Variants in KCTD8 observed in about 807,000 individuals in gnomAD.
The protein encoded by KCTD8 is BTB/POZ domain-containing protein KCTD8.
Under a neutral mutation model 31.5 loss-of-function variants are expected in KCTD8, and 27 were observed. The ratio of observed to expected loss-of-function variants is 0.86; its 90% CI spans 0.63 to 1.18. KCTD8 has a LOEUF of 1.18. Ranked by LOEUF, KCTD8 falls within the 50% of genes most tolerant of loss-of-function variation. The pLI is 0.00. For synonymous variants in KCTD8, 290 were observed against 280.0 expected (o/e 1.04, Z -0.36); for missense variants, 658 against 647.7 (o/e 1.02, Z -0.17).
chr4:44,389,542 T>A (rs980595874), intron 1 of KCTD8, among the ~76,000 whole-genome samples: 2 of 151,764 alleles, frequency 1.3e-5, no homozygotes, highest in Non-Finnish European at 2.9e-5. Context: ...AGTAGTTAAA[T>A]TCATAGAGAC....
intron 1 of KCTD8, among the ~76,000 whole-genome samples, chr4:44,371,115 T>C (rs534662603): frequency 3.3e-4 from 50 of 152,084 alleles, no homozygotes; most frequent in Non-Finnish European, 6.3e-4. Flanking sequence ...GTGCTAATGC[T>C]GGAGGACAGG....
At chr4:44,258,117 CA>C (rs1172957382) in intron 1 of KCTD8, among the ~76,000 whole-genome samples, 4 of 151,904 alleles carry the variant, frequency 2.6e-5, no homozygotes, top group African/African-American at 9.7e-5. Flanking sequence ...ATTAGGAAAT[CA>C]GATGCTAATA....
intron 1 of KCTD8, among the ~76,000 whole-genome samples, chr4:44,270,440 T>C (rs1424095192): frequency 6.6e-6 from 1 of 151,256 alleles, no homozygotes; most frequent in Non-Finnish European, 1.5e-5. Flanking sequence ...TACCTAATGC[T>C]AAATGATGAG....
chr4:44,387,368 A>G (rs187741514), intron 1 of KCTD8, among the ~76,000 whole-genome samples: 16 of 151,594 alleles, frequency 1.1e-4, no homozygotes, highest in African/African-American at 3.6e-4. Context: ...CTAGAAAAAA[A>G]ATGTTAAAAT....
intron 1 of KCTD8, among the ~76,000 whole-genome samples, chr4:44,323,386 T>C (rs1718350047): frequency 6.6e-6 from 1 of 151,376 alleles, no homozygotes; most frequent in Non-Finnish European, 1.5e-5. Flanking sequence ...CCCAGCTACT[T>C]GGGAGGCTGA....
At chr4:44,336,838 T>A (rs946034163) in intron 1 of KCTD8, among the ~76,000 whole-genome samples, 1 of 152,040 alleles carries the variant, frequency 6.6e-6, no homozygotes, top group African/African-American at 2.4e-5. Flanking sequence ...GCTTTGTTTT[T>A]AAAAAAGAAT....
At position 44,221,887 on chromosome 4, in the gene KCTD8, C is replaced by T. The variant is rs1016515550; in HGVS notation, c.962-46637G>A. 3.3e-5 allele frequency among the ~76,000 whole-genome samples: 5 copies of T among 152,048 alleles called. No individual in the cohort carries two copies. In the South Asian group the frequency reaches 6.2e-4, roughly 19 times the overall value. ...CGGCGACACCCTCACAGACACACCCCGGAACAAATACTTTGCATCATTCAA... is the reference window on the plus strand; with the variant it reads ...CGGCGACACCCTCACAGACACACCCTGGAACAAATACTTTGCATCATTCAA... On this transcript the variant is annotated intron_variant, in intron 1 of 1. Transcript: ENST00000360029.
At chr4:44,212,004 T>C (rs1299748458) in intron 1 of KCTD8, among the ~76,000 whole-genome samples, 1 of 152,198 alleles carries the variant, frequency 6.6e-6, no homozygotes, top group Non-Finnish European at 1.5e-5. Flanking sequence ...TATCATTCCA[T>C]TTAAGTGATG....
chr4:44,242,599 C>CA (rs1016593869), intron 1 of KCTD8, among the ~76,000 whole-genome samples: 1 of 151,190 alleles, frequency 6.6e-6, no homozygotes, highest in Non-Finnish European at 1.5e-5. Flanking sequence ...AACAAACAAA[C>CA]AAACAAAACA....
At chr4:44,218,830 T>G (rs573765449) in intron 1 of KCTD8, among the ~76,000 whole-genome samples, 1 of 152,088 alleles carries the variant, frequency 6.6e-6, no homozygotes, top group South Asian at 2.1e-4. Context: ...TGGATTATAA[T>G]AAATTATAAA....
intron 1 of KCTD8, among the ~76,000 whole-genome samples, chr4:44,367,360 A>G (rs1486403182): frequency 1.3e-5 from 2 of 152,240 alleles, no homozygotes; most frequent in African/African-American, 2.4e-5. Context: ...TTTAATGAAT[A>G]CATGAATCAA....
intron 1 of KCTD8, among the ~76,000 whole-genome samples, chr4:44,222,820 G>T (rs552125908): frequency 6.6e-6 from 1 of 152,098 alleles, no homozygotes; most frequent in Non-Finnish European, 1.5e-5. Flanking sequence ...AAAATACTTG[G>T]AAGCAAAAAC....
At chr4:44,252,045 T>A (rs1715852754) in intron 1 of KCTD8, among the ~76,000 whole-genome samples, 1 of 151,728 alleles carries the variant, frequency 6.6e-6, no homozygotes. Flanking sequence ...CAAAGTCCAC[T>A]GTATGATTCT....
intron 1 of KCTD8, among the ~76,000 whole-genome samples, chr4:44,234,715 C>T (rs1715224407): frequency 1.3e-5 from 2 of 152,120 alleles, no homozygotes; most frequent in Non-Finnish European, 2.9e-5. Flanking sequence ...TGTAAGAGGC[C>T]TCTATAAGCC....
Position 44,329,879 on chromosome 4 carries a change from A to G in KCTD8, c.961+117684T>C, listed in dbSNP as rs16856851. Among the ~76,000 whole-genome samples the G allele has an allele frequency of 5.8e-3, 882 of 152,058 alleles. 9 individuals are homozygous for G. Among genetic ancestry groups the G allele is most frequent in the African/African-American group, 0.019 (771 of 41,536 alleles). On this transcript the variant is annotated intron_variant, in intron 1 of 1. Transcript: ENST00000360029. ...TAAATTTGATCCCTAGATTTTAGCT[A>G]TAGTAGACAACAGTAAATGTAACTC...
At chr4:44,342,877 T>C (rs1718937915) in intron 1 of KCTD8, among the ~76,000 whole-genome samples, 1 of 152,244 alleles carries the variant, frequency 6.6e-6, no homozygotes, top group Non-Finnish European at 1.5e-5. Context: ...ACTTTTCTTC[T>C]GCAACCAGCT....
At chr4:44,392,914 T>C (rs1404933312) in intron 1 of KCTD8, among the ~76,000 whole-genome samples, 3 of 152,094 alleles carry the variant, frequency 2.0e-5, no homozygotes, top group East Asian at 1.9e-4. Flanking sequence ...CCAAATGATA[T>C]TCATGAGATA....
At chr4:44,361,231 T>C (rs1719487488) in intron 1 of KCTD8, among the ~76,000 whole-genome samples, 1 of 152,108 alleles carries the variant, frequency 6.6e-6, no homozygotes, top group Non-Finnish European at 1.5e-5. Flanking sequence ...CTGAAAGATC[T>C]GTATTCTTGT....
chr4:44,327,011 A>C (rs899743830), intron 1 of KCTD8, among the ~76,000 whole-genome samples: 3 of 151,918 alleles, frequency 2.0e-5, no homozygotes, highest in African/African-American at 7.3e-5. Context: ...CAAGGATGAA[A>C]ATGAAGCCTG....
Sources: gnomAD v4.1 joint callset for allele counts (sites outside exome capture counted in the v4.1 genomes callset) on GRCh38, gnomAD v4.1.1 for gene constraint, MANE v1.5 for transcripts, NCBI Gene and HGNC (gene_info 2026-07-23, HGNC 2026-07-21) for gene names.